Variants in CAST observed in about 807,000 individuals in gnomAD.
CAST encodes the protein MIR583 host.
A neutral mutation model predicts 119.6 loss-of-function variants in CAST; 76 were observed. The observed-to-expected ratio is 0.64, with a 90% CI of 0.53 to 0.77. The LOEUF is 0.77. Among genes scored for constraint, CAST ranks in the 30% least tolerant of loss-of-function variants. CAST has a pLI of 0.00. For missense variants in CAST, 953 were observed against 946.5 expected, an observed-to-expected ratio of 1.01 and a Z score of -0.09; for synonymous variants, 319 against 331.6, an observed-to-expected ratio of 0.96 and a Z score of 0.41.
At chr5:96,554,662 A>G (rs1746199402) in intron 1 of CAST, among the ~76,000 whole-genome samples, 1 of 152,326 alleles carries the variant, frequency 6.6e-6, no homozygotes, top group South Asian at 2.1e-4. Context: ...CCTTTTGACA[A>G]AGGGCTAATA....
chr5:96,076,851 A>G, the CAST span, among the ~76,000 whole-genome samples: 1 of 152,024 alleles, frequency 6.6e-6, no homozygotes, highest in Admixed American at 6.6e-5. Flanking sequence ...AATAAATATC[A>G]ATAATAATGT....
chr5:96,252,500 G>A, the CAST span, among the ~76,000 whole-genome samples: 1 of 152,024 alleles, frequency 6.6e-6, no homozygotes, highest in East Asian at 1.9e-4. Context: ...TTCTTCAAGT[G>A]CCCAGAATTT....
chr5:96,397,837 A>G, the CAST span, among the ~76,000 whole-genome samples: 2 of 152,146 alleles, frequency 1.3e-5, no homozygotes, highest in Admixed American at 1.3e-4. Flanking sequence ...TGAAACTATC[A>G]TTTCTGAAGT....
At chr5:96,030,923 TG>T in the CAST span, among the ~76,000 whole-genome samples, 1 of 152,168 alleles carries the variant, frequency 6.6e-6, no homozygotes, top group Non-Finnish European at 1.5e-5. Flanking sequence ...TTATCTCACC[TG>T]TCCAAGTTTA....
chr5:96,650,728 T>TTTTGTG (rs1491115634), intron 1 of CAST, among the ~76,000 whole-genome samples: 1 of 142,058 alleles, frequency 7.0e-6, no homozygotes, highest in Admixed American at 7.1e-5. Flanking sequence ...ACCCACTTAA[T>TTTTGTG]TGTGTGTGTG....
At chr5:96,563,688 TTACGGTA>T in intron 1 of CAST, among the ~76,000 whole-genome samples, 1 of 152,310 alleles carries the variant, frequency 6.6e-6, no homozygotes, top group East Asian at 1.9e-4. Context: ...AAATCTAAGA[TTACGGTA>T]TACGGTATAT....
chr5:96,510,437 G>T, the CAST span, among the ~76,000 whole-genome samples: 2 of 152,128 alleles, frequency 1.3e-5, no homozygotes, highest in Non-Finnish European at 2.9e-5. Context: ...TTGTAGCAGG[G>T]TGAGAATATC....
the CAST span, among the ~76,000 whole-genome samples, chr5:95,967,562 G>A: frequency 6.6e-6 from 1 of 152,092 alleles, no homozygotes; most frequent in African/African-American, 2.4e-5. Flanking sequence ...TTGAATCATG[G>A]GGACAGTTAC....
chr5:96,659,615 G>A (rs770150676), upstream of CAST, among the ~76,000 whole-genome samples: 1 of 152,118 alleles, frequency 6.6e-6, no homozygotes, highest in Non-Finnish European at 1.5e-5. Context: ...TGCAACCTCT[G>A]CCTCCCTTGT....
chr5:96,237,068 C>G, the CAST span, among the ~76,000 whole-genome samples: 1 of 152,088 alleles, frequency 6.6e-6, no homozygotes, highest in Non-Finnish European at 1.5e-5. Flanking sequence ...AGCTGAAACC[C>G]AGATTCTTCT....
At chr5:96,012,644 T>TA in the CAST span, among the ~76,000 whole-genome samples, 2 of 152,208 alleles carry the variant, frequency 1.3e-5, no homozygotes, top group African/African-American at 2.4e-5. Flanking sequence ...TACTCTTTGC[T>TA]ACTTCTTAGA....
At chr5:96,119,806 CA>C in the CAST span, among the ~76,000 whole-genome samples, 1 of 152,036 alleles carries the variant, frequency 6.6e-6, no homozygotes, top group Non-Finnish European at 1.5e-5. Context: ...GCCTAAAAAG[CA>C]AATTAAATAT....
At chr5:96,484,661 G>T in the CAST span, among the ~76,000 whole-genome samples, 1 of 152,116 alleles carries the variant, frequency 6.6e-6, no homozygotes, top group Non-Finnish European at 1.5e-5. Flanking sequence ...AAAAAGAGGA[G>T]AAATTTTCTC....
At chr5:96,529,369 T>TG (rs200804873), upstream of CAST, among the ~76,000 whole-genome samples, 81 of 95,850 alleles carry the variant, frequency 8.5e-4, 1 homozygote, top group East Asian at 0.016. Flanking sequence ...TTATAATCAT[T>TG]GGGTTTTTTT....
intron 1 of CAST, among the ~76,000 whole-genome samples, chr5:96,629,982 C>T (rs1298528571): frequency 6.6e-6 from 1 of 152,228 alleles, no homozygotes; most frequent in African/African-American, 2.4e-5. Context: ...GATTACAGAA[C>T]AAGGCAATTC....
At chr5:96,144,065 T>C in the CAST span, among the ~76,000 whole-genome samples, 416 of 152,264 alleles carry the variant, frequency 2.7e-3, 1 homozygote, top group Non-Finnish European at 3.8e-3. Flanking sequence ...TAAAGTCAAA[T>C]AATGAAAAAT....
intron 24 of CAST, among the ~76,000 whole-genome samples, chr5:96,760,390 C>CT (rs1767511043): frequency 6.6e-6 from 1 of 151,686 alleles, no homozygotes; most frequent in African/African-American, 2.4e-5. Flanking sequence ...TAAATAAAAA[C>CT]TTTTTAAAAA....
intron 1 of CAST, among the ~76,000 whole-genome samples, chr5:96,542,215 C>T (rs1485173477): frequency 6.7e-6 from 1 of 149,834 alleles, no homozygotes; most frequent in Non-Finnish European, 1.5e-5. Context: ...GAGGCTGAGG[C>T]AGAAGAATGG....
At chr5:96,089,034 G>T in the CAST span, among the ~76,000 whole-genome samples, 1 of 148,726 alleles carries the variant, frequency 6.7e-6, no homozygotes, top group African/African-American at 2.5e-5. Context: ...CTTTCAGTCA[G>T]CATCCTTTGC....
Sources: gnomAD v4.1 joint callset for allele counts (sites outside exome capture counted in the v4.1 genomes callset) on GRCh38, gnomAD v4.1.1 for gene constraint, MANE v1.5 for transcripts, NCBI Gene and HGNC (gene_info 2026-07-23, HGNC 2026-07-21) for gene names.